Variants in GABRG3 observed in about 807,000 individuals in gnomAD.
GABRG3 encodes gamma-aminobutyric acid type A receptor subunit gamma3, also known as gamma-aminobutyric acid receptor subunit gamma-3.
A neutral mutation model predicts 48.8 loss-of-function variants in GABRG3; 25 were observed. That is an observed-to-expected ratio of 0.51 (90% CI 0.37 to 0.72). The LOEUF (loss-of-function observed/expected upper bound fraction) is 0.72, where lower values mean the gene tolerates loss of function less well. Among genes scored for constraint, GABRG3 ranks in the 30% least tolerant of loss-of-function variants. GABRG3 has a pLI of 0.00. For missense variants in GABRG3, 394 were observed against 577.9 expected, an observed-to-expected ratio of 0.68 and a Z score of 3.26; for synonymous variants, 227 against 217.6, an observed-to-expected ratio of 1.04 and a Z score of -0.38.
At chr15:26,979,969 A>C in intron 2 of GABRG3, among the ~76,000 whole-genome samples, 1 of 152,132 alleles carries the variant, frequency 6.6e-6, no homozygotes, top group South Asian at 2.1e-4. Context: ...CCTCTGGGCC[A>C]GGAGATTTCT....
At chr15:27,136,001 A>G (rs1315939225) in intron 3 of GABRG3, among the ~76,000 whole-genome samples, 1 of 152,208 alleles carries the variant, frequency 6.6e-6, no homozygotes, top group Non-Finnish European at 1.5e-5. Flanking sequence ...GCGGATGCTC[A>G]GAAAGCTCAG....
intron 5 of GABRG3, among the ~76,000 whole-genome samples, chr15:27,477,993 T>C (rs1201561263): frequency 2.7e-5 from 4 of 149,148 alleles, no homozygotes; most frequent in Non-Finnish European, 4.4e-5. Flanking sequence ...TGCAGTGAGC[T>C]GAGATCGCAC....
rs1889988134 is a variant in GABRG3, at chr15:27,236,844, T to C, written c.271-89965T>C. 6.6e-6 allele frequency among the ~76,000 whole-genome samples: 1 copy of C among 152,232 alleles called. No individual in the cohort carries two copies. Among genetic ancestry groups the C allele is most frequent in the Non-Finnish European group, 1.5e-5 (1 of 68,038 alleles). On this transcript the variant is annotated intron_variant, in intron 3 of 9. Coordinates refer to ENST00000615808, the MANE Select transcript of GABRG3 (RefSeq NM_033223.5). The surrounding 1 kb of genome is among the most constrained non-coding windows in gnomAD (Gnocchi z 4.4). ...ATTGCACGTGTGTTTGTTTTATCAA[T>C]ATTCGTGATTCCTCCAATAGCTTAT...
chr15:27,054,719 T>C (rs1408146554), intron 3 of GABRG3, among the ~76,000 whole-genome samples: 1 of 152,206 alleles, frequency 6.6e-6, no homozygotes, highest in Non-Finnish European at 1.5e-5. Flanking sequence ...AAAGCAGCTA[T>C]TACTCTGAAA....
intron 3 of GABRG3, among the ~76,000 whole-genome samples, chr15:27,120,789 GT>G (rs1897717852): frequency 6.6e-6 from 1 of 151,938 alleles, no homozygotes; most frequent in African/African-American, 2.4e-5. Context: ...TTTTTTGACC[GT>G]GTCTCACATA....
chr15:27,478,491 A>C (rs531654393), intron 5 of GABRG3, among the ~76,000 whole-genome samples: 3 of 152,348 alleles, frequency 2.0e-5, no homozygotes, highest in Middle Eastern at 6.8e-3. Context: ...ATCACTAAAA[A>C]GACAGAAACT....
intron 3 of GABRG3, among the ~76,000 whole-genome samples, chr15:27,288,343 A>G (rs898704189): frequency 5.9e-5 from 9 of 152,222 alleles, no homozygotes; most frequent in East Asian, 1.9e-4. Flanking sequence ...ATATAATGAA[A>G]TAATTATACA....
intron 6 of GABRG3, among the ~76,000 whole-genome samples, chr15:27,482,075 T>C (rs1890113622): frequency 6.6e-6 from 1 of 152,144 alleles, no homozygotes; most frequent in Admixed American, 6.6e-5. Flanking sequence ...TTGAAACTGA[T>C]TGCAAGCAAA....
At chr15:27,320,949 G>A (rs181451468) in intron 3 of GABRG3, among the ~76,000 whole-genome samples, 3 of 152,244 alleles carry the variant, frequency 2.0e-5, no homozygotes, top group East Asian at 1.9e-4. Flanking sequence ...GGGGAGCCAC[G>A]TGCCCCTCTG....
At chr15:27,454,780 T>C (rs1889213810) in intron 5 of GABRG3, among the ~76,000 whole-genome samples, 1 of 152,198 alleles carries the variant, frequency 6.6e-6, no homozygotes, top group South Asian at 2.1e-4. Flanking sequence ...AAAGCGCTCA[T>C]TTCTGCCTCT....
At chr15:27,454,489 G>T (rs966695772) in intron 5 of GABRG3, among the ~76,000 whole-genome samples, 2 of 152,142 alleles carry the variant, frequency 1.3e-5, no homozygotes, top group Non-Finnish European at 2.9e-5. Context: ...GGTGACACGG[G>T]TGTGACTATC....
At chr15:26,987,592 C>T (rs1230043925) in intron 2 of GABRG3, among the ~76,000 whole-genome samples, 1 of 152,158 alleles carries the variant, frequency 6.6e-6, no homozygotes, top group Non-Finnish European at 1.5e-5. Context: ...ACAAACCTGG[C>T]ATTACGTCAG....
chr15:27,034,902 A>G (rs555017330), intron 3 of GABRG3, among the ~76,000 whole-genome samples: 2 of 152,310 alleles, frequency 1.3e-5, no homozygotes, highest in South Asian at 4.1e-4. Flanking sequence ...TCCTTAGTTA[A>G]TAGGCTTCTT....
At position 26,996,205 on chromosome 15, in the gene GABRG3, T is replaced by G. The variant is rs536446558; in HGVS notation, c.202+19055T>G. On this transcript the variant is annotated intron_variant, in intron 2 of 9. Transcript: ENST00000615808. ...CTATGTAATTATCTTTATTAGGGCT[T>G]TTTGTTTTTTTTGTTTAAATTTGGA... is the stretch of plus-strand genomic sequence containing the variant. Among the ~76,000 whole-genome samples the G allele has an allele frequency of 2.6e-5, 4 of 152,224 alleles. No individual in the cohort carries two copies. The East Asian group carries it at 7.7e-4, about 29-fold the overall frequency.
At chr15:27,232,965 A>G (rs1388203421) in intron 3 of GABRG3, among the ~76,000 whole-genome samples, 1 of 152,160 alleles carries the variant, frequency 6.6e-6, no homozygotes, top group Non-Finnish European at 1.5e-5. Flanking sequence ...GACTGCCAGG[A>G]AGCACAGCCA....
chr15:27,326,188 C>T (rs1893608065), intron 3 of GABRG3, among the ~76,000 whole-genome samples: 1 of 152,238 alleles, frequency 6.6e-6, no homozygotes, highest in South Asian at 2.1e-4. Context: ...TGTACCTCTT[C>T]AGCCTGCTCT....
At chr15:27,522,684 C>T (rs1257841082) in intron 7 of GABRG3, among the ~76,000 whole-genome samples, 1 of 151,476 alleles carries the variant, frequency 6.6e-6, no homozygotes, top group Admixed American at 6.6e-5. Context: ...TAGTAAAAAG[C>T]ATAGCTAAGA....
chr15:27,274,240 A>G (rs1179274575), intron 3 of GABRG3, among the ~76,000 whole-genome samples: 1 of 152,152 alleles, frequency 6.6e-6, no homozygotes, highest in African/African-American at 2.4e-5. Flanking sequence ...TGAGCTACCC[A>G]AAGACTGTGG....
rs1335397034 is a variant in GABRG3, at chr15:27,307,810, CAT to C, written c.271-18993_271-18992del. 5.3e-4 allele frequency among the ~76,000 whole-genome samples: 53 copies of C among 100,098 alleles called. No individual in the cohort carries two copies. The South Asian group carries it at 8.8e-3, about 17-fold the overall frequency. 65.7% of individuals were successfully genotyped at this position (100,098 alleles called of 152,430 possible). A position where few individuals can be genotyped will look rare whatever the true frequency, so the allele number is the denominator to read the frequency against. ...AACATATATATAAAATAAACATAAACATATATAAAATAAACATAAACATATAT... is the reference window on the plus strand; with the variant it reads ...AACATATATATAAAATAAACATAAACATATAAAATAAACATAAACATATAT... On this transcript the variant is annotated intron_variant, in intron 3 of 9. Coordinates refer to ENST00000615808, the MANE Select transcript of GABRG3 (RefSeq NM_033223.5).
Sources: allele counts gnomAD v4.1 joint callset (sites outside exome capture counted in the v4.1 genomes callset), GRCh38; gene constraint gnomAD v4.1.1; non-coding constraint Gnocchi (gnomAD v3.1); transcripts MANE v1.5; gene names NCBI Gene and HGNC (gene_info 2026-07-23, HGNC 2026-07-21).